The following LIG1 variants were observed in gnomAD, a reference collection of about 807,000 sequenced individuals.
LIG1 encodes the protein DNA ligase 1, also known as ligase I, DNA, ATP-dependent.
LIG1 carries 70 observed loss-of-function variants against 115.7 expected under a neutral mutation model. The ratio of observed to expected loss-of-function variants is 0.60; its 90% CI spans 0.50 to 0.74. The LOEUF is 0.74. LIG1 is among the 30% of genes least tolerant of loss of function. The pLI is 0.00. For synonymous variants in LIG1, 487 were observed against 495.3 expected (o/e 0.98, Z 0.22); for missense variants, 1,115 against 1,225.6 (o/e 0.91, Z 1.35).
intron 1 of LIG1, among the ~76,000 whole-genome samples, chr19:48,167,793 T>TC (rs1209241841): frequency 7.2e-6 from 1 of 138,748 alleles, no homozygotes; most frequent in Non-Finnish European, 1.5e-5. Flanking sequence ...ACCACTGGAC[T>TC]CCAGCCTGGG....
chr19:48,136,730 C>T (rs534695843), intron 14 of LIG1, among the ~76,000 whole-genome samples: 1 of 152,178 alleles, frequency 6.6e-6, no homozygotes, highest in Non-Finnish European at 1.5e-5. Flanking sequence ...CTGCAGGGCC[C>T]GCGCCCAAGC....
chr19:48,145,395 A>G (rs1369437659), intron 9 of LIG1, among the ~76,000 whole-genome samples: 1 of 152,142 alleles, frequency 6.6e-6, no homozygotes, highest in Admixed American at 6.5e-5. Context: ...AAGGTTACAT[A>G]AAAAATGACA....
intron 6 of LIG1, among the ~76,000 whole-genome samples, chr19:48,153,574 A>G (rs904831422): frequency 1.3e-5 from 2 of 151,802 alleles, no homozygotes; most frequent in Non-Finnish European, 2.9e-5. Context: ...GCCTGGACAC[A>G]GGCATCAAAT....
intron 7 of LIG1, 49 bp from the exon 8 acceptor site, chr19:48,150,259 C>CT (rs746936471): frequency 5.4e-5 from 87 of 1,605,508 alleles, no homozygotes; most frequent in Admixed American, 1.7e-4. Context: ...GACCCTGAGA[C>CT]TTTTTTTTTC....
At chr19:48,132,290 A>G (rs1599770893) in intron 18 of LIG1, among the ~76,000 whole-genome samples, 1 of 152,170 alleles carries the variant, frequency 6.6e-6, no homozygotes. Context: ...TACAGACCCC[A>G]GGACCAAGGA....
chr19:48,140,970 T>G (rs533654023), intron 11 of LIG1, among the ~76,000 whole-genome samples: 2 of 152,234 alleles, frequency 1.3e-5, no homozygotes, highest in Non-Finnish European at 2.9e-5. Flanking sequence ...TTCCCCCGTC[T>G]AGATAAATCG....
intron 21 of LIG1, among the ~76,000 whole-genome samples, chr19:48,125,987 CAAA>C (rs56362940): frequency 1.3e-4 from 14 of 105,832 alleles, no homozygotes; most frequent in African/African-American, 1.1e-4. Flanking sequence ...GACTCCATCT[CAAA>C]AAAAAAAAAA....
At chr19:48,136,891 C>T (rs3730971) in intron 14 of LIG1, 117 bp downstream of exon 14, 264 of 854,936 alleles carry the variant, frequency 3.1e-4, no homozygotes, top group Admixed American at 5.6e-4. Context: ...CCTGCTCATG[C>T]TTTTCTCATC....
chr19:48,127,205 A>G, intron 21 of LIG1, 72 bp downstream of exon 21: 2 of 1,231,740 alleles, frequency 1.6e-6, no homozygotes. Flanking sequence ...TGGAAGTCAG[A>G]GGGGCAGCTG....
chr19:48,165,708 A>AT (rs2123075378), intron 1 of LIG1, 85 bp from the exon 2 acceptor site: 53 of 919,276 alleles, frequency 5.8e-5, no homozygotes, highest in Non-Finnish European at 6.1e-5. Context: ...TAAGAAAGAA[A>AT]GAAAAAAAAA....
At position 48,163,710 on chromosome 19, in the gene LIG1, G is replaced by A. The variant is rs1284778617; in HGVS notation, c.18-1359C>T. Among the ~76,000 whole-genome samples, 6 of 152,160 alleles carry A rather than the reference G, an allele frequency of 3.9e-5. No individual in the cohort carries two copies. In the South Asian group the frequency reaches 6.2e-4, roughly 16 times the overall value. ...TGTAATCCCAACACTTTGGGAGGCC[G>A]AGGTGGGCGGATCACGAGGTCAGGA... On this transcript the variant is annotated intron_variant, in intron 2 of 27. Transcript: ENST00000263274.
rs1254194429 is a variant in LIG1, at chr19:48,137,227, GC to G, written c.1255-144del. Reference sequence around the variant, plus strand: ...TCCCCATGTCCCAGCTCCCATGGCCGCCCACTCTTAGGGCAGTAAGAACGAG... The same window carrying G: ...TCCCCATGTCCCAGCTCCCATGGCCGCCACTCTTAGGGCAGTAAGAACGAG... On this transcript the variant is annotated intron_variant, in intron 13 of 27. Coordinates refer to ENST00000263274, the MANE Select transcript of LIG1 (RefSeq NM_000234.3). The surrounding 1 kb of genome is among the most constrained non-coding windows in gnomAD (Gnocchi z 4.3). 3 of 791,686 alleles carry G rather than the reference GC, an allele frequency of 3.8e-6. No homozygotes were observed. The African/African-American group carries it at 5.1e-5, about 13-fold the overall frequency. The allele number at this position is 791,686 out of a possible 1,614,324, so 49.0% of individuals were successfully genotyped here.
At chr19:48,139,462 C>G (rs138654578) in intron 12 of LIG1, among the ~76,000 whole-genome samples, 2 of 152,266 alleles carry the variant, frequency 1.3e-5, no homozygotes, top group African/African-American at 4.8e-5. Context: ...TGCTCACAAT[C>G]CTTCCATGGC....
chr19:48,170,129 TC>T, intron 1 of LIG1, 111 bp downstream of exon 1: 2 of 435,136 alleles, frequency 4.6e-6, no homozygotes, highest in East Asian at 7.9e-5. Flanking sequence ...AGCCTCAGCG[TC>T]CCCACGCCCA....
rs2034447286 is a variant in LIG1 at position 48,137,179 on chromosome 19, C to T, written c.1255-95G>A. The stretch of plus-strand genomic sequence containing the variant: ...TGCTGCTGCCCTGCATTTTGGAATA[C>T]CTGCCCTCCTTCCCTCACCCCATCC... On this transcript the variant is annotated intron_variant, in intron 13 of 27. Coordinates refer to ENST00000263274, the MANE Select transcript of LIG1 (RefSeq NM_000234.3). The surrounding 1 kb of genome is among the most constrained non-coding windows in gnomAD (Gnocchi z 4.3). 2 of 1,046,126 alleles carry T rather than the reference C, an allele frequency of 1.9e-6. No homozygotes were observed. Among genetic ancestry groups the T allele is most frequent in the Non-Finnish European group, 2.9e-6 (2 of 686,682 alleles). The allele number at this position is 1,046,126 out of a possible 1,614,324, so 64.8% of individuals were successfully genotyped here.
intron 5 of LIG1, among the ~76,000 whole-genome samples, chr19:48,156,448 T>C (rs2035843895): frequency 6.6e-6 from 1 of 152,230 alleles, no homozygotes; most frequent in Non-Finnish European, 1.5e-5. Context: ...ACGTGTTATC[T>C]TCTAACTCAG....
At chr19:48,155,047 G>C (rs565808398) in intron 5 of LIG1, among the ~76,000 whole-genome samples, 9 of 152,114 alleles carry the variant, frequency 5.9e-5, no homozygotes, top group Non-Finnish European at 1.2e-4. Flanking sequence ...TTGGGACATA[G>C]CTCAATGTTG....
chr19:48,143,044 G>A (rs970263476), intron 11 of LIG1, among the ~76,000 whole-genome samples: 2 of 152,176 alleles, frequency 1.3e-5, no homozygotes, highest in African/African-American at 2.4e-5. Context: ...GGGCTGGCAG[G>A]GACCAGCGAT....
intron 6 of LIG1, 99 bp downstream of exon 6, chr19:48,153,773 C>CACACACACAA: frequency 5.9e-6 from 2 of 339,304 alleles, no homozygotes; most frequent in East Asian, 6.8e-5. Context: ...CACACACACA[C>CACACACACAA]CTCTCCTTCT....
Sources: allele counts gnomAD v4.1 joint callset (sites outside exome capture counted in the v4.1 genomes callset), GRCh38; gene constraint gnomAD v4.1.1; non-coding constraint Gnocchi (gnomAD v3.1); transcripts MANE v1.5; gene names NCBI Gene and HGNC (gene_info 2026-07-23, HGNC 2026-07-21).